The following SNRPD3 variants were observed in gnomAD, a reference collection of about 807,000 sequenced individuals.
The protein encoded by SNRPD3 is small nuclear ribonucleoprotein Sm D3.
For missense variants in SNRPD3, 73 were observed against 167.5 expected, an observed-to-expected ratio of 0.44 and a Z score of 3.11; for synonymous variants, 66 against 58.4, an observed-to-expected ratio of 1.13 and a Z score of -0.59.
intron 3 of SNRPD3, among the ~76,000 whole-genome samples, chr22:24,569,535 A>G (rs1018673843): frequency 3.3e-5 from 5 of 152,238 alleles, no homozygotes; most frequent in African/African-American, 4.8e-5. Flanking sequence ...CCAAGCAAGC[A>G]GTCAGTTCTG....
rs1328687533 is a variant in SNRPD3, at chr22:24,574,533, T to TTCCTTGA, written c.*2558_*2564dup. On this transcript the variant is annotated 3_prime_UTR_variant, in exon 4 of 4. Transcript: ENST00000215829. The stretch of plus-strand genomic sequence containing the variant: ...CAATATGAACATGTTTTCATGACTA[T>TTCCTTGA]TCCTTGATGGTTTTTTGTTTGCTTG... Among the ~76,000 whole-genome samples, 1 of 152,166 alleles carries TTCCTTGA rather than the reference T, an allele frequency of 6.6e-6. No homozygotes were observed. Among genetic ancestry groups the TTCCTTGA allele is most frequent in the Non-Finnish European group, 1.5e-5 (1 of 68,026 alleles).
chr22:24,570,348 T>G (rs1043214650), intron 3 of SNRPD3, among the ~76,000 whole-genome samples: 1 of 152,216 alleles, frequency 6.6e-6, no homozygotes, highest in African/African-American at 2.4e-5. Flanking sequence ...CTATAGGAGT[T>G]ACGAGCTGGG....
At position 24,569,137 on chromosome 22, in the gene SNRPD3, C is replaced by G. The variant is rs756893687; in HGVS notation, c.319+961C>G. 2.6e-5 allele frequency among the ~76,000 whole-genome samples: 4 copies of G among 152,332 alleles called. No homozygotes were observed. In the South Asian group the frequency reaches 6.2e-4, roughly 24 times the overall value. On this transcript the variant is annotated intron_variant, in intron 3 of 3. Transcript: ENST00000215829. ...GTGAGGGCAGCATTTCCTAGCGAGA[C>G]TGGGTCTTATGGATGGACACCAGCA...
chr22:24,565,145 A>G (rs1323720044), intron 2 of SNRPD3, among the ~76,000 whole-genome samples: 1 of 152,072 alleles, frequency 6.6e-6, no homozygotes. Context: ...TTGGCCTCCC[A>G]AAGTGCTGGG....
rs2045256283 is a variant in SNRPD3 at position 24,572,188 on chromosome 22, T to A, written c.*211T>A. 4.1e-6 allele frequency: 4 copies of A among 978,370 alleles called. No homozygotes were observed. The highest frequency in any genetic ancestry group is 5.9e-4 in the Middle Eastern group (2 of 3,366). The allele number at this position is 978,370 out of a possible 1,614,324, so 60.6% of individuals were successfully genotyped here. A position where few individuals can be genotyped will look rare whatever the true frequency, so the allele number is the denominator to read the frequency against. On this transcript the variant is annotated 3_prime_UTR_variant, in exon 4 of 4. Coordinates refer to ENST00000215829, the MANE Select transcript of SNRPD3 (RefSeq NM_004175.5). The stretch of plus-strand genomic sequence containing the variant: ...AAGGACTTTGTGTTCATTTGAAGTT[T>A]GCTTTGGCTAAATTTTGACACCCTG...
intron 3 of SNRPD3, among the ~76,000 whole-genome samples, chr22:24,568,588 C>T (rs1308388792): frequency 4.0e-5 from 6 of 151,076 alleles, no homozygotes; most frequent in Middle Eastern, 3.2e-3. Context: ...GATGGAGTCT[C>T]GCTCTGTCGC....
In SNRPD3 at chr22:24,572,251, C is replaced by CA; in HGVS notation, c.*275dup. 1.6e-6 allele frequency: 1 copy of CA among 623,678 alleles called. No homozygotes were observed. Among genetic ancestry groups the CA allele is most frequent in the South Asian group, 2.0e-5 (1 of 50,266 alleles). 38.6% of individuals were successfully genotyped at this position (623,678 alleles called of 1,614,324 possible). A position where few individuals can be genotyped will look rare whatever the true frequency, so the allele number is the denominator to read the frequency against. Reference sequence around the variant, plus strand: ...GGAGAATGCCAGTACTTTGAAATAGCACAGCTATTGATGAGATTTTAAGCT... The same window carrying CA: ...GGAGAATGCCAGTACTTTGAAATAGCAACAGCTATTGATGAGATTTTAAGCT... On this transcript the variant is annotated 3_prime_UTR_variant, in exon 4 of 4. Coordinates refer to ENST00000215829, the MANE Select transcript of SNRPD3 (RefSeq NM_004175.5).
rs906774573 is a variant in SNRPD3, at chr22:24,561,611, G to C, written c.126+3811G>C. Among the ~76,000 whole-genome samples the C allele has an allele frequency of 2.0e-5, 3 of 152,210 alleles. No homozygotes were observed. In the South Asian group the frequency reaches 6.2e-4, roughly 32 times the overall value. On this transcript the variant is annotated intron_variant, in intron 2 of 3. Transcript: ENST00000215829. Reference sequence around the variant, plus strand: ...TGTTCAGCACATCTCAGGCTGTGAGGCTTGCCTGTCCTTCCCAGATCCAGT... The same window carrying C: ...TGTTCAGCACATCTCAGGCTGTGAGCCTTGCCTGTCCTTCCCAGATCCAGT...
Position 24,556,043 on chromosome 22 carries a change from C to T in SNRPD3, c.-47C>T. The T allele has an allele frequency of 3.2e-6, 2 of 621,714 alleles. No individual in the cohort carries two copies. The highest frequency in any genetic ancestry group is 5.8e-5 in the Admixed American group (2 of 34,190). 38.5% of individuals were successfully genotyped at this position (621,714 alleles called of 1,614,324 possible). A position where few individuals can be genotyped will look rare whatever the true frequency, so the allele number is the denominator to read the frequency against. On this transcript the variant is annotated 5_prime_UTR_variant, in exon 1 of 4. Transcript: ENST00000215829. ...TCGCCGTAGCATCTTTCGCAGCGGA[C>T]CGAAGAGAAGAAAAGTAGGCCAGAG...
At chr22:24,565,899 G>A (rs941253691) in intron 2 of SNRPD3, among the ~76,000 whole-genome samples, 2 of 151,964 alleles carry the variant, frequency 1.3e-5, no homozygotes, top group African/African-American at 4.8e-5. Flanking sequence ...CACCCACCTC[G>A]GCCTCCCAAA....
At chr22:24,556,670 ATGC>A (rs1448935406) in intron 1 of SNRPD3, among the ~76,000 whole-genome samples, 2 of 152,204 alleles carry the variant, frequency 1.3e-5, no homozygotes, top group African/African-American at 4.8e-5. Flanking sequence ...TTGTAAATAA[ATGC>A]TGCTATCTTT....
Position 24,556,873 on chromosome 22 carries a change from C to T in SNRPD3, c.-18-784C>T, listed in dbSNP as rs575027028. ...GTTGCTCATCTCAATAAAAAGTTCACTGCTTGATGCTTTTGATTAGGTCAA... is the reference window on the plus strand; with the variant it reads ...GTTGCTCATCTCAATAAAAAGTTCATTGCTTGATGCTTTTGATTAGGTCAA... On this transcript the variant is annotated intron_variant, in intron 1 of 3. Coordinates refer to ENST00000215829, the MANE Select transcript of SNRPD3 (RefSeq NM_004175.5). Among the ~76,000 whole-genome samples the T allele has an allele frequency of 3.3e-4, 50 of 152,366 alleles. No homozygotes were observed. The South Asian group carries it at 9.5e-3, about 29-fold the overall frequency.
At position 24,572,474 on chromosome 22, in the gene SNRPD3, A is replaced by T; in HGVS notation, c.*497A>T. 1 of 266,512 alleles carries T rather than the reference A, an allele frequency of 3.8e-6. No homozygotes were observed. The highest frequency in any genetic ancestry group is 7.2e-6 in the Non-Finnish European group (1 of 138,684). The allele number at this position is 266,512 out of a possible 1,614,324, so 16.5% of individuals were successfully genotyped here. A position where few individuals can be genotyped will look rare whatever the true frequency, so the allele number is the denominator to read the frequency against. On this transcript the variant is annotated 3_prime_UTR_variant, in exon 4 of 4. Coordinates refer to ENST00000215829, the MANE Select transcript of SNRPD3 (RefSeq NM_004175.5). ...CTTTCCCTTGATAAAGTCATAGGTA[A>T]TTCAGGGGCTGGGTGCGGCGGCTCA...
rs141445380 is a variant in SNRPD3, at chr22:24,571,682, T to G, written c.320-234T>G. Among the ~76,000 whole-genome samples, 1,492 of 151,550 alleles carry G rather than the reference T, an allele frequency of 9.8e-3. 23 individuals carry two copies. The highest frequency in any genetic ancestry group is 0.033 in the African/African-American group (1,380 of 41,262). On this transcript the variant is annotated intron_variant, in intron 3 of 3. Coordinates refer to ENST00000215829, the MANE Select transcript of SNRPD3 (RefSeq NM_004175.5). ...TCGCCTAATCCCAGGAGGTGGAGAT[T>G]GCAGTGAGCCGAGATCATGCCACTG...
At chr22:24,563,102 T>C in intron 2 of SNRPD3, among the ~76,000 whole-genome samples, 1 of 152,104 alleles carries the variant, frequency 6.6e-6, no homozygotes. Context: ...GCACATTGGC[T>C]CATGCCTGTA....
intron 2 of SNRPD3, among the ~76,000 whole-genome samples, chr22:24,564,124 A>G (rs751628234): frequency 6.6e-6 from 1 of 152,048 alleles, no homozygotes; most frequent in Non-Finnish European, 1.5e-5. Context: ...AGATGGCCTT[A>G]GTTGGTATTC....
rs534058618 is a variant in SNRPD3 at position 24,562,047 on chromosome 22, A to G, written c.126+4247A>G. Among the ~76,000 whole-genome samples, 459 of 152,070 alleles carry G rather than the reference A, an allele frequency of 3.0e-3. 1 individual carries two copies. Among genetic ancestry groups the G allele is most frequent in the African/African-American group, 0.011 (444 of 41,466 alleles). ...ACAACGATTCGGAAAAGATAAATAG[A>G]GGATCTCACTCTGTTGCCCAGGCTA... On this transcript the variant is annotated intron_variant, in intron 2 of 3. Coordinates refer to ENST00000215829, the MANE Select transcript of SNRPD3 (RefSeq NM_004175.5).
intron 2 of SNRPD3, among the ~76,000 whole-genome samples, chr22:24,563,204 A>G (rs4822508): frequency 0.2 from 19,931 of 98,938 alleles, 2,030 homozygotes; most frequent in African/African-American, 0.33. Flanking sequence ...CCTGTCTCAT[A>G]TATGTGTGTG....
intron 1 of SNRPD3, 53 bp downstream of exon 1, chr22:24,556,124 G>T: frequency 1.9e-6 from 1 of 535,332 alleles, no homozygotes; most frequent in Non-Finnish European, 3.4e-6. Context: ...GGGGCCAGGG[G>T]CTGGAGAAAG....
Sources: allele counts gnomAD v4.1 joint callset (sites outside exome capture counted in the v4.1 genomes callset), GRCh38; gene constraint gnomAD v4.1.1; transcripts MANE v1.5; gene names NCBI Gene and HGNC (gene_info 2026-07-23, HGNC 2026-07-21).